The following TMBIM4 variants were observed in gnomAD, a reference collection of about 807,000 sequenced individuals.
The protein encoded by TMBIM4 is transmembrane BAX inhibitor motif containing 4, also known as protein lifeguard 4.
TMBIM4 carries 28 observed loss-of-function variants against 27.7 expected under a neutral mutation model. The observed-to-expected ratio is 1.01, with a 90% CI of 0.75 to 1.38. The LOEUF is 1.38. Ranked by LOEUF, TMBIM4 falls within the 40% of genes most tolerant of loss-of-function variation. The pLI, the probability that TMBIM4 is intolerant of heterozygous loss-of-function variation, is 0.00. For synonymous variants in TMBIM4, 115 were observed against 113.1 expected, an observed-to-expected ratio of 1.02 and a Z score of -0.11; for missense variants, 265 against 277.5, an observed-to-expected ratio of 0.95 and a Z score of 0.32.
rs567481540 is a variant in TMBIM4 at position 66,159,165 on chromosome 12, T to C, written c.98-5717A>G. Among the ~76,000 whole-genome samples the C allele has an allele frequency of 5.3e-5, 8 of 152,334 alleles. 1 individual carries two copies. Among genetic ancestry groups the C allele is most frequent in the Middle Eastern group, 6.8e-3 (2 of 294 alleles). ...AAATCCCCTCCCCTTGAGTATGGAC[T>C]GGACTTAGTGACTTGCTTCTGATTA... On this transcript the variant is annotated intron_variant, in intron 1 of 6. Transcript: ENST00000358230.
chr12:66,140,737 A>AT (rs1410492220), intron 5 of TMBIM4, among the ~76,000 whole-genome samples: 4 of 151,622 alleles, frequency 2.6e-5, no homozygotes, highest in South Asian at 2.1e-4. Context: ...CTCTTAAACA[A>AT]TTTTTTTTTC....
intron 1 of TMBIM4, among the ~76,000 whole-genome samples, chr12:66,156,184 T>C (rs1254434314): frequency 6.6e-6 from 1 of 152,202 alleles, no homozygotes; most frequent in African/African-American, 2.4e-5. Flanking sequence ...AAAAGAATAC[T>C]AGTCAAACAG....
At chr12:66,151,265 A>G (rs1324369110) in intron 3 of TMBIM4, among the ~76,000 whole-genome samples, 2 of 152,006 alleles carry the variant, frequency 1.3e-5, no homozygotes, top group Non-Finnish European at 2.9e-5. Context: ...ATGGGGTCTC[A>G]CTCTGTCACT....
At position 66,145,863 on chromosome 12, in the gene TMBIM4, C is replaced by T; in HGVS notation, c.442G>A (p.Asp148Asn). ...TACCCTGCTCCAAATTTGCTGAAATCCTTCTTAGATTGTAGAGTATACACA... is the reference window on the plus strand; with the variant it reads ...TACCCTGCTCCAAATTTGCTGAAATTCTTCTTAGATTGTAGAGTATACACA... ...LTVYTLQSKK[D>N]FSKFGAGLFA... Residue 148 changes from aspartate to asparagine, a missense_variant, in exon 5 of 7, where the codon GAT becomes AAT. Coordinates refer to ENST00000358230, the MANE Select transcript of TMBIM4 (RefSeq NM_016056.4). 1 of 1,598,950 alleles carries T rather than the reference C, an allele frequency of 6.3e-7. No homozygotes were observed. The highest frequency in any genetic ancestry group is 8.5e-7 in the Non-Finnish European group (1 of 1,170,098).
At chr12:66,138,929 C>G in intron 5 of TMBIM4, 160 bp from the exon 6 acceptor site, 1 of 1,066,828 alleles carries the variant, frequency 9.4e-7, no homozygotes, top group Non-Finnish European at 1.2e-6. Flanking sequence ...TAATGCCCAT[C>G]TTGGATCTTT....
intron 5 of TMBIM4, among the ~76,000 whole-genome samples, chr12:66,139,959 G>A (rs1047619141): frequency 1.3e-5 from 2 of 152,178 alleles, no homozygotes; most frequent in South Asian, 2.1e-4. Flanking sequence ...GCTAAAAGCT[G>A]TTCTGGACCT....
At chr12:66,164,462 G>A (rs1365065946) in intron 1 of TMBIM4, among the ~76,000 whole-genome samples, 3 of 152,150 alleles carry the variant, frequency 2.0e-5, no homozygotes. Flanking sequence ...TTGACCTAAG[G>A]ACAGGATTTA....
chr12:66,155,022 T>C (rs2051908743), intron 1 of TMBIM4, among the ~76,000 whole-genome samples: 1 of 152,178 alleles, frequency 6.6e-6, no homozygotes, highest in African/African-American at 2.4e-5. Flanking sequence ...AACAGATCTA[T>C]GACTTACTTT....
intron 1 of TMBIM4, among the ~76,000 whole-genome samples, chr12:66,168,280 T>C (rs1365967157): frequency 6.6e-6 from 1 of 151,036 alleles, no homozygotes; most frequent in Non-Finnish European, 1.5e-5. Flanking sequence ...TTGAAGACAT[T>C]ATGCTAATTG....
At chr12:66,144,177 G>A (rs373041006) in intron 5 of TMBIM4, among the ~76,000 whole-genome samples, 1 of 152,102 alleles carries the variant, frequency 6.6e-6, no homozygotes, top group African/African-American at 2.4e-5. Flanking sequence ...AGAGAGGCTG[G>A]TTGTAGTAAT....
chr12:66,160,515 G>GA (rs1320997859), intron 1 of TMBIM4, among the ~76,000 whole-genome samples: 2 of 152,258 alleles, frequency 1.3e-5, no homozygotes, highest in Non-Finnish European at 2.9e-5. Flanking sequence ...ATGAAACTAT[G>GA]AAAGACTACT....
intron 1 of TMBIM4, among the ~76,000 whole-genome samples, chr12:66,155,359 A>AGAGAGAGAGAGAGAGAGAGAGAGAG (rs1319061177): frequency 6.6e-6 from 1 of 150,620 alleles, no homozygotes; most frequent in Non-Finnish European, 1.5e-5. Flanking sequence ...AGAGAGAGAG[A>AGAGAGAGAGAGAGAGAGAGAGAGAG]GGCAGGGTCT....
intron 1 of TMBIM4, chr12:66,169,187 G>C: frequency 2.9e-6 from 2 of 680,650 alleles, no homozygotes; most frequent in Non-Finnish European, 5.3e-6. Flanking sequence ...GACCAAACTA[G>C]AGCAGGCAAT....
At chr12:66,149,078 C>A (rs1483079834) in intron 3 of TMBIM4, among the ~76,000 whole-genome samples, 1 of 152,094 alleles carries the variant, frequency 6.6e-6, no homozygotes, top group Non-Finnish European at 1.5e-5. Context: ...GATGTGGAGG[C>A]AATGGAACTG....
chr12:66,164,869 G>T (rs770043124), intron 1 of TMBIM4, among the ~76,000 whole-genome samples: 1 of 152,114 alleles, frequency 6.6e-6, no homozygotes, highest in Non-Finnish European at 1.5e-5. Flanking sequence ...TAGAATAAAT[G>T]AATTCAGCAA....
intron 1 of TMBIM4, among the ~76,000 whole-genome samples, chr12:66,158,597 G>C (rs987797126): frequency 6.7e-6 from 1 of 150,026 alleles, no homozygotes; most frequent in African/African-American, 2.5e-5. Context: ...AGTGAGCGGA[G>C]ATCACACCAC....
chr12:66,144,213 G>A lies in TMBIM4; in HGVS notation c.464+1628C>T, dbSNP rs145418795. Among the ~76,000 whole-genome samples, 12 of 152,124 alleles carry A rather than the reference G, an allele frequency of 7.9e-5. No individual in the cohort carries two copies. In the East Asian group the frequency reaches 1.7e-3, roughly 22 times the overall value. On this transcript the variant is annotated intron_variant, in intron 5 of 6. Coordinates refer to ENST00000358230, the MANE Select transcript of TMBIM4 (RefSeq NM_016056.4). ...ACAGGTAAGAGGCAATTTTGAAAGG[G>A]TTCCGTTTCCAGTACTACAGCAAGT...
intron 1 of TMBIM4, among the ~76,000 whole-genome samples, chr12:66,154,231 C>G (rs951965151): frequency 1.3e-5 from 2 of 152,210 alleles, no homozygotes; most frequent in Admixed American, 1.3e-4. Flanking sequence ...TGCAGCCTTT[C>G]TCAGTTCCGC....
intron 1 of TMBIM4, among the ~76,000 whole-genome samples, chr12:66,159,681 A>G (rs2052002745): frequency 6.6e-6 from 1 of 152,232 alleles, no homozygotes; most frequent in East Asian, 1.9e-4. Context: ...CTCCCTTAAG[A>G]GTTCTTCCTC....
Sources: gnomAD v4.1 joint callset for allele counts (sites outside exome capture counted in the v4.1 genomes callset) on GRCh38, gnomAD v4.1.1 for gene constraint, MANE v1.5 for transcripts, NCBI Gene and HGNC (gene_info 2026-07-23, HGNC 2026-07-21) for gene names.